The following NIPAL3 variants were observed in gnomAD, a reference collection of about 807,000 sequenced individuals.
NIPAL3 encodes NIPA-like protein 3.
In NIPAL3, 41 loss-of-function variants were observed where a neutral mutation model predicts 47.2. That is an observed-to-expected ratio of 0.87 (90% CI 0.68 to 1.13). The LOEUF is 1.13. Among genes scored for constraint, NIPAL3 ranks in the 50% most tolerant of loss-of-function variants. The pLI is 0.00. For synonymous variants in NIPAL3, 194 were observed against 209.6 expected, an observed-to-expected ratio of 0.93 and a Z score of 0.64; for missense variants, 449 against 530.1, an observed-to-expected ratio of 0.85 and a Z score of 1.50.
intron 2 of NIPAL3, among the ~76,000 whole-genome samples, chr1:24,437,060 G>A (rs1303294437): frequency 2.0e-5 from 3 of 152,000 alleles, no homozygotes; most frequent in African/African-American, 7.2e-5. Context: ...GACCATCCTG[G>A]ATAACACGGT....
At chr1:24,448,263 T>A (rs1645767493) in intron 5 of NIPAL3, among the ~76,000 whole-genome samples, 1 of 152,206 alleles carries the variant, frequency 6.6e-6, no homozygotes, top group Non-Finnish European at 1.5e-5. Context: ...CTTAGAACTC[T>A]CAGCCATTTT....
intron 2 of NIPAL3, among the ~76,000 whole-genome samples, chr1:24,430,679 A>G (rs1472930885): frequency 6.6e-6 from 1 of 152,186 alleles, no homozygotes; most frequent in Non-Finnish European, 1.5e-5. Context: ...AGTACTGGAC[A>G]CTCCTAATTA....
At chr1:24,448,460 G>A (rs779883775) in intron 5 of NIPAL3, among the ~76,000 whole-genome samples, 18 of 152,180 alleles carry the variant, frequency 1.2e-4, no homozygotes, top group Non-Finnish European at 2.4e-4. Context: ...TTCCCTTGGC[G>A]TTAGGTTAAA....
rs370551252 is a variant in NIPAL3, at chr1:24,457,868, G to A, written c.774-1020G>A. ...AGCTGCTTCTATGATTATTGGCCTTGCTATTGTTATTTTGGTTATTATTTT... is the reference window on the plus strand; with the variant it reads ...AGCTGCTTCTATGATTATTGGCCTTACTATTGTTATTTTGGTTATTATTTT... On this transcript the variant is annotated intron_variant, in intron 8 of 11. Coordinates refer to ENST00000374399, the MANE Select transcript of NIPAL3 (RefSeq NM_020448.5). 538 of 523,734 alleles carry A rather than the reference G, an allele frequency of 1.0e-3. 1 individual carries two copies. Among genetic ancestry groups the A allele is most frequent in the Middle Eastern group, 1.6e-3 (5 of 3,132 alleles). 32.4% of individuals were successfully genotyped at this position (523,734 alleles called of 1,614,324 possible). A position where few individuals can be genotyped will look rare whatever the true frequency, so the allele number is the denominator to read the frequency against.
intron 9 of NIPAL3, 147 bp downstream of exon 9, chr1:24,459,123 G>C (rs1646355382): frequency 1.4e-6 from 1 of 700,722 alleles, no homozygotes; most frequent in Non-Finnish European, 2.5e-6. Flanking sequence ...TCCAGACAGA[G>C]AGACCCGGGT....
At chr1:24,431,134 A>G (rs1256280524) in intron 2 of NIPAL3, among the ~76,000 whole-genome samples, 1 of 152,218 alleles carries the variant, frequency 6.6e-6, no homozygotes, top group Non-Finnish European at 1.5e-5. Flanking sequence ...TTCCAGTGTC[A>G]TGCCTTAACA....
intron 2 of NIPAL3, among the ~76,000 whole-genome samples, chr1:24,424,152 G>A (rs1457591112): frequency 1.3e-5 from 2 of 152,208 alleles, no homozygotes; most frequent in African/African-American, 2.4e-5. Context: ...TACCAAGGAT[G>A]TATGAATTGA....
chr1:24,417,835 G>T (rs1644130967), intron 1 of NIPAL3, among the ~76,000 whole-genome samples: 1 of 152,240 alleles, frequency 6.6e-6, no homozygotes, highest in African/African-American at 2.4e-5. Context: ...GAAGGAACTG[G>T]AAGCTACAGG....
At chr1:24,414,334 C>T, upstream of NIPAL3, 1 of 151,562 alleles carries the variant, frequency 6.6e-6, no homozygotes, top group Middle Eastern at 3.4e-3. Context: ...GCGTGAGCCA[C>T]CACGCCCGGC....
At chr1:24,427,798 C>T (rs1031127810) in intron 2 of NIPAL3, among the ~76,000 whole-genome samples, 5 of 152,208 alleles carry the variant, frequency 3.3e-5, no homozygotes, top group African/African-American at 7.2e-5. Flanking sequence ...ATCATAGTAA[C>T]TATCGGGGAT....
chr1:24,428,302 G>GAGAGAGAGAGAGAC (rs1242337378), intron 2 of NIPAL3, among the ~76,000 whole-genome samples: 1 of 141,504 alleles, frequency 7.1e-6, no homozygotes, highest in East Asian at 2.2e-4. Context: ...GAGAGAGAGA[G>GAGAGAGAGAGAGAC]ACACCAGAAC....
intron 2 of NIPAL3, among the ~76,000 whole-genome samples, chr1:24,429,929 G>A (rs191546347): frequency 6.6e-6 from 1 of 152,302 alleles, no homozygotes; most frequent in East Asian, 1.9e-4. Flanking sequence ...CCTTGGATAT[G>A]AGGTTCAGAA....
At chr1:24,455,500 A>G (rs1201277352) in intron 7 of NIPAL3, among the ~76,000 whole-genome samples, 1 of 152,228 alleles carries the variant, frequency 6.6e-6, no homozygotes, top group African/African-American at 2.4e-5. Context: ...GTGCATTCCA[A>G]AACACTGGAG....
chr1:24,453,596 C>T, intron 7 of NIPAL3, 92 bp downstream of exon 7: 1 of 1,011,044 alleles, frequency 9.9e-7, no homozygotes, highest in South Asian at 1.4e-5. Flanking sequence ...AGCCGCTGGG[C>T]ACAGAAGTTG....
Position 24,454,599 on chromosome 1 carries a change from A to G in NIPAL3, c.637+1095A>G. 1 of 933,990 alleles carries G rather than the reference A, an allele frequency of 1.1e-6. No individual in the cohort carries two copies. Among genetic ancestry groups the G allele is most frequent in the Non-Finnish European group, 1.3e-6 (1 of 782,888 alleles). 57.9% of individuals were successfully genotyped at this position (933,990 alleles called of 1,614,324 possible). The stretch of plus-strand genomic sequence containing the variant: ...TACATACCATAAAGTTCACCTGTTT[A>G]AAGTATACAATTCAGTGGTTTTTAG... On this transcript the variant is annotated intron_variant, in intron 7 of 11. Coordinates refer to ENST00000374399, the MANE Select transcript of NIPAL3 (RefSeq NM_020448.5). The surrounding 1 kb of genome is among the most constrained non-coding windows in gnomAD (Gnocchi z 4.1).
intron 8 of NIPAL3, among the ~76,000 whole-genome samples, chr1:24,456,827 A>T (rs1646236585): frequency 1.3e-5 from 2 of 152,118 alleles, no homozygotes; most frequent in African/African-American, 4.8e-5. Flanking sequence ...CAGTAGAGCC[A>T]TCTCGGCTCA....
chr1:24,445,977 C>G (rs1645637679), intron 5 of NIPAL3, among the ~76,000 whole-genome samples: 1 of 151,876 alleles, frequency 6.6e-6, no homozygotes, highest in Admixed American at 6.6e-5. Context: ...GAAGCGTTTC[C>G]CACAAAACAC....
intron 2 of NIPAL3, among the ~76,000 whole-genome samples, chr1:24,438,722 C>T (rs78886415): frequency 3.0e-4 from 46 of 152,338 alleles, no homozygotes; most frequent in Non-Finnish European, 2.6e-4. Flanking sequence ...GCCTGTCCCC[C>T]GCCTTAAAGA....
chr1:24,445,695 C>T (rs970634123), intron 5 of NIPAL3, among the ~76,000 whole-genome samples: 1 of 152,152 alleles, frequency 6.6e-6, no homozygotes, highest in African/African-American at 2.4e-5. Flanking sequence ...TGTACTCTCC[C>T]CACAGGACCC....
Sources: allele counts gnomAD v4.1 joint callset (sites outside exome capture counted in the v4.1 genomes callset), GRCh38; gene constraint gnomAD v4.1.1; non-coding constraint Gnocchi (gnomAD v3.1); transcripts MANE v1.5; gene names NCBI Gene and HGNC (gene_info 2026-07-23, HGNC 2026-07-21).